PCID2: variants seen among roughly 807,000 people sequenced by gnomAD.
The protein encoded by PCID2 is PCI domain containing 2.
PCID2 carries 41 observed loss-of-function variants against 61.3 expected under a neutral mutation model. The ratio of observed to expected loss-of-function variants is 0.67; its 90% CI spans 0.52 to 0.87. The LOEUF is 0.87. Ranked by LOEUF, PCID2 falls within the 40% of genes least tolerant of loss-of-function variation. The pLI, the probability that PCID2 is intolerant of heterozygous loss-of-function variation, is 0.00. For synonymous variants in PCID2, 187 were observed against 177.8 expected (o/e 1.05, Z -0.41); for missense variants, 392 against 493.4 (o/e 0.79, Z 1.95).
rs542423904 is a variant in PCID2, at chr13:113,181,736, CTTA to C, written c.686-509_686-507del. Among the ~76,000 whole-genome samples the C allele has an allele frequency of 4.1e-3, 632 of 152,342 alleles. 2 individuals carry two copies. Among genetic ancestry groups the C allele is most frequent in the African/African-American group, 0.014 (595 of 41,576 alleles). ...ATGACCACATGCTTTAAAAAATTAA[CTTA>C]TTATTACTAACACACAACATATTAA... On this transcript the variant is annotated intron_variant, in intron 9 of 13. Transcript: ENST00000337344.
intron 8 of PCID2, among the ~76,000 whole-genome samples, chr13:113,184,870 G>A (rs1170619583): frequency 2.7e-5 from 4 of 150,004 alleles, no homozygotes; most frequent in South Asian, 2.1e-4. Context: ...GAGGCTCTGC[G>A]AAGCCGTTTC....
rs2037876317 is a variant in PCID2, at chr13:113,183,990, T to C, written c.685+356A>G. 1.1e-5 allele frequency: 11 copies of C among 985,276 alleles called. 1 individual carries two copies. The South Asian group carries it at 4.2e-4, about 38-fold the overall frequency. 61.0% of individuals were successfully genotyped at this position (985,276 alleles called of 1,614,324 possible). A position where few individuals can be genotyped will look rare whatever the true frequency, so the allele number is the denominator to read the frequency against. On this transcript the variant is annotated intron_variant, in intron 9 of 13. Coordinates refer to ENST00000337344, the MANE Select transcript of PCID2 (RefSeq NM_001127202.4). ...TGAAGTCAGTCGCTGAACTAAATGT[T>C]GTCCTAATCTCCATTTCCTATGTCA... is the stretch of plus-strand genomic sequence containing the variant.
At chr13:113,199,040 A>G (rs951724485) in intron 2 of PCID2, among the ~76,000 whole-genome samples, 1 of 152,180 alleles carries the variant, frequency 6.6e-6, no homozygotes, top group Non-Finnish European at 1.5e-5. Flanking sequence ...CTTTCCTCCT[A>G]ACAGTCAAAT....
At chr13:113,197,869 A>G (rs114253139) in intron 3 of PCID2, among the ~76,000 whole-genome samples, 2,595 of 152,310 alleles carry the variant, frequency 0.017, 68 homozygotes, top group African/African-American at 0.058. Flanking sequence ...CTCAACTCTA[A>G]TTTCTTTCCC....
At chr13:113,203,380 G>T (rs1344353645) in intron 1 of PCID2, among the ~76,000 whole-genome samples, 1 of 152,074 alleles carries the variant, frequency 6.6e-6, no homozygotes, top group Non-Finnish European at 1.5e-5. Flanking sequence ...AGACGATTTG[G>T]GCCCAAGTAT....
chr13:113,207,960 G>A (rs2040029611), intron 1 of PCID2: 5 of 1,387,594 alleles, frequency 3.6e-6, no homozygotes, highest in East Asian at 2.3e-5. Flanking sequence ...GCATAGTTTA[G>A]TGGAAAGAAT....
intron 13 of PCID2, chr13:113,178,542 G>C: frequency 2.3e-6 from 1 of 431,702 alleles, no homozygotes; most frequent in Non-Finnish European, 4.3e-6. Context: ...AACACGTACA[G>C]ACGCTCTTCC....
downstream of PCID2, among the ~76,000 whole-genome samples, chr13:113,173,198 AC>A (rs2037144363): frequency 6.6e-6 from 1 of 152,202 alleles, no homozygotes; most frequent in Admixed American, 6.5e-5. Flanking sequence ...ATTTTGTAGA[AC>A]AGACCAGGAC....
intron 6 of PCID2, among the ~76,000 whole-genome samples, chr13:113,194,466 G>A (rs2038858008): frequency 6.6e-6 from 1 of 152,140 alleles, no homozygotes; most frequent in Non-Finnish European, 1.5e-5. Context: ...ATGCCGGCCT[G>A]ACAACTCCCA....
rs764283843 is a variant in PCID2 at position 113,200,476 on chromosome 13, G to A, written c.77C>T (p.Ala26Val). ...AIDSRDGASC[A>V]ELVSFKHPHV... is the part of the protein sequence containing the mutation. ...AGGATGTTTAAAAGACACCAACTCT[G>A]CACAAGATGCTCCATCTCTGCTGTC... The change falls in exon 2 of 14, where the codon GCA (alanine) becomes GTA (valine). Residue 26 changes from alanine (A) to valine (V), a missense_variant. This residue lies in a region of PCID2 where 155 missense variants were observed against 164.9 expected (regional missense o/e 0.94). Transcript: ENST00000337344. 1 of 1,613,382 alleles carries A rather than the reference G, an allele frequency of 6.2e-7. No homozygotes were observed. Among genetic ancestry groups the A allele is most frequent in the Non-Finnish European group, 8.5e-7 (1 of 1,179,342 alleles).
At chr13:113,169,809 TA>T in the PCID2 span, among the ~76,000 whole-genome samples, 1 of 152,228 alleles carries the variant, frequency 6.6e-6, no homozygotes. Flanking sequence ...TACCCGGCCA[TA>T]ATTAGTCTCC....
At chr13:113,203,452 TAGAC>T (rs958049411) in intron 1 of PCID2, among the ~76,000 whole-genome samples, 2 of 152,188 alleles carry the variant, frequency 1.3e-5, no homozygotes, top group Non-Finnish European at 2.9e-5. Context: ...ATCTAAAAGG[TAGAC>T]AGACAGATAC....
At position 113,208,023 on chromosome 13, in the gene PCID2, C is replaced by G. The variant is rs1213020324; in HGVS notation, c.36+576G>C. 6.8e-6 allele frequency: 11 copies of G among 1,612,226 alleles called. No homozygotes were observed. In the South Asian group the frequency reaches 1.2e-4, roughly 18 times the overall value. Reference sequence around the variant, plus strand: ...CTTTTAACTGTGCTTCTGCTACTTACAAGCTGTTGAACAACATCTGTCAGA... The same window carrying G: ...CTTTTAACTGTGCTTCTGCTACTTAGAAGCTGTTGAACAACATCTGTCAGA... On this transcript the variant is annotated intron_variant, in intron 1 of 13. Coordinates refer to ENST00000337344, the MANE Select transcript of PCID2 (RefSeq NM_001127202.4).
intron 1 of PCID2, among the ~76,000 whole-genome samples, chr13:113,206,391 A>C (rs983128140): frequency 1.3e-5 from 2 of 152,228 alleles, no homozygotes; most frequent in African/African-American, 4.8e-5. Context: ...CAGTACCTGC[A>C]GCAGGGCGTC....
Position 113,179,041 on chromosome 13 carries a change from A to G in PCID2, c.1035T>C (p.Val345=), listed in dbSNP as rs1418796483. ...THQLSLDAFL[V]ALKFMQVEDV... ...CCTCCACCTGCATGAACTTCAAGGC[A>G]ACCAGAAAAGCATCCAGAGACAGCT... Residue 345 remains valine, a synonymous_variant, in exon 13 of 14, where the codon GTT becomes GTC. Coordinates refer to ENST00000337344, the MANE Select transcript of PCID2 (RefSeq NM_001127202.4). The surrounding 1 kb of genome is among the most constrained non-coding windows in gnomAD (Gnocchi z 4.3). The G allele has an allele frequency of 6.2e-7, 1 of 1,613,956 alleles. No individual in the cohort carries two copies.
chr13:113,196,935 G>T, intron 4 of PCID2: 1 of 1,006,994 alleles, frequency 9.9e-7, no homozygotes, highest in Non-Finnish European at 1.6e-6. Context: ...CTTCTTCTCA[G>T]CAGAGTAAGA....
chr13:113,194,378 G>A (rs1302588554), intron 6 of PCID2, among the ~76,000 whole-genome samples: 4 of 151,822 alleles, frequency 2.6e-5, no homozygotes, highest in African/African-American at 9.7e-5. Context: ...GGACAGACAG[G>A]AGACAAAAAG....
At chr13:113,175,952 C>G (rs1193448664), downstream of PCID2, among the ~76,000 whole-genome samples, 1 of 152,238 alleles carries the variant, frequency 6.6e-6, no homozygotes, top group Admixed American at 6.5e-5. Flanking sequence ...AGAGCCCGGG[C>G]CAATACACGG....
intron 1 of PCID2, among the ~76,000 whole-genome samples, chr13:113,201,486 A>C (rs2138928435): frequency 6.6e-6 from 1 of 152,284 alleles, no homozygotes; most frequent in Middle Eastern, 3.4e-3. Context: ...ACATTTTATA[A>C]CTAGAAAACC....
Sources: gnomAD v4.1 joint callset for allele counts (sites outside exome capture counted in the v4.1 genomes callset) on GRCh38, gnomAD v4.1.1 for gene constraint, gnomAD v4.1.1 regional missense constraint, Gnocchi (gnomAD v3.1) non-coding constraint, MANE v1.5 for transcripts, NCBI Gene and HGNC (gene_info 2026-07-23, HGNC 2026-07-21) for gene names.